Variants in ARHGAP22 observed in about 807,000 individuals in gnomAD.
The protein encoded by ARHGAP22 is Rho GTPase activating protein 22.
In ARHGAP22, 48 loss-of-function variants were observed where a neutral mutation model predicts 59.1. The ratio of observed to expected loss-of-function variants is 0.81; its 90% confidence interval spans 0.64 to 1.03. The LOEUF is 1.03. ARHGAP22 is among the 50% of genes least tolerant of loss of function. The pLI is 0.00. For missense variants in ARHGAP22, 1,015 were observed against 958.7 expected (o/e 1.06, Z -0.78); for synonymous variants, 445 against 416.4 (o/e 1.07, Z -0.84).
At chr10:48,450,133 CCCCT>C in intron 9 of ARHGAP22, 124 bp downstream of exon 9, 6 of 1,333,964 alleles carry the variant, frequency 4.5e-6, no homozygotes, top group Non-Finnish European at 6.1e-6. Context: ...AGCTAGGATT[CCCCT>C]CTCTGAGGCT....
At chr10:48,560,346 A>T (rs1222829714) in intron 2 of ARHGAP22, among the ~76,000 whole-genome samples, 1 of 152,132 alleles carries the variant, frequency 6.6e-6, no homozygotes, top group Non-Finnish European at 1.5e-5. Flanking sequence ...CTCCTCATTT[A>T]TTTAGAGCTT....
chr10:48,447,538 T>C (rs1165700971), intron 9 of ARHGAP22, among the ~76,000 whole-genome samples: 1 of 152,070 alleles, frequency 6.6e-6, no homozygotes, highest in Non-Finnish European at 1.5e-5. Context: ...GAAGCCTCCA[T>C]CCTCATCACT....
the ARHGAP22 span, chr10:48,435,952 CTGGTCTT>C: frequency 2.0e-5 from 3 of 152,240 alleles, no homozygotes; most frequent in African/African-American, 7.2e-5. Context: ...GTTCTAGAGT[CTGGTCTT>C]TCCCTTTCCT....
rs150432203 is a variant in ARHGAP22, at chr10:48,577,064, T to C, written c.234+5889A>G. ...CTCTTTTTCCTTCATTTCTCTCTTCTCTTTTTCTAAAACTCCTTCTATTCG... is the reference window on the plus strand; with the variant it reads ...CTCTTTTTCCTTCATTTCTCTCTTCCCTTTTTCTAAAACTCCTTCTATTCG... On this transcript the variant is annotated intron_variant, in intron 2 of 9. Transcript: ENST00000249601. Among the ~76,000 whole-genome samples the C allele has an allele frequency of 1.8e-3, 271 of 152,324 alleles. 2 individuals carry two copies. The highest frequency in any genetic ancestry group is 5.7e-3 in the African/African-American group (237 of 41,564).
At chr10:48,543,850 G>C (rs901209752) in intron 3 of ARHGAP22, among the ~76,000 whole-genome samples, 2 of 152,196 alleles carry the variant, frequency 1.3e-5, no homozygotes, top group African/African-American at 4.8e-5. Context: ...GGCTGGGCGT[G>C]GTGGCTCATG....
rs191575650 is a variant in ARHGAP22 at position 48,542,849 on chromosome 10, C to T, written c.322+12614G>A. Among the ~76,000 whole-genome samples the T allele has an allele frequency of 2.0e-3, 300 of 152,272 alleles. 2 individuals are homozygous for T. Among genetic ancestry groups the T allele is most frequent in the African/African-American group, 7.0e-3 (291 of 41,552 alleles). On this transcript the variant is annotated intron_variant, in intron 3 of 9. Coordinates refer to ENST00000249601, the MANE Select transcript of ARHGAP22 (RefSeq NM_021226.4). ...CACTGCAGGTGGGGTAGCAGGCTGT[C>T]GGAAGAGGAGCTGCCTGGCTGGACT...
chr10:48,553,118 G>A (rs1217807935), intron 3 of ARHGAP22, among the ~76,000 whole-genome samples: 2 of 152,248 alleles, frequency 1.3e-5, no homozygotes, highest in African/African-American at 4.8e-5. Flanking sequence ...CCCAGTGGGA[G>A]GGGAGCAGAG....
rs763603284 is a variant in ARHGAP22 at position 48,446,365 on chromosome 10, TA to T, written c.*25del. 6.2e-7 allele frequency: 1 copy of T among 1,612,002 alleles called. No individual in the cohort carries two copies. The highest frequency in any genetic ancestry group is 8.5e-7 in the Non-Finnish European group (1 of 1,178,276). ...CAAGGCTGGAGACCAGCAGACGTGGTACAGAAGTGAGCTCTGCCATTCCTTT... is the reference window on the plus strand; with the variant it reads ...CAAGGCTGGAGACCAGCAGACGTGGTCAGAAGTGAGCTCTGCCATTCCTTT... On this transcript the variant is annotated 3_prime_UTR_variant, in exon 10 of 10. Transcript: ENST00000249601.
At chr10:48,430,877 G>A in the ARHGAP22 span, 1 of 369,914 alleles carries the variant, frequency 2.7e-6, no homozygotes, top group African/African-American at 2.1e-5. Flanking sequence ...AATGGTATGT[G>A]GTATGATGTG....
intron 3 of ARHGAP22, among the ~76,000 whole-genome samples, chr10:48,481,735 G>A (rs1000073719): frequency 6.6e-6 from 1 of 152,080 alleles, no homozygotes; most frequent in Admixed American, 6.6e-5. Flanking sequence ...TTACTTTCCC[G>A]CCAGCTGTGT....
chr10:48,514,593 A>G (rs2053110558), intron 3 of ARHGAP22, among the ~76,000 whole-genome samples: 1 of 152,214 alleles, frequency 6.6e-6, no homozygotes, highest in Non-Finnish European at 1.5e-5. Context: ...GAAATCCTAA[A>G]GGGACTCCTT....
chr10:48,625,693 TACACACACAC>T (rs56897057), intron 1 of ARHGAP22, among the ~76,000 whole-genome samples: 2,490 of 138,946 alleles, frequency 0.018, 41 homozygotes, highest in Admixed American at 0.046. Context: ...CTGCAACGTG[TACACACACAC>T]ACACACACAC....
chr10:48,598,290 C>T (rs962174265), intron 1 of ARHGAP22, among the ~76,000 whole-genome samples: 11 of 152,180 alleles, frequency 7.2e-5, no homozygotes, highest in Non-Finnish European at 1.6e-4. Context: ...TACAAACAGC[C>T]ACCTTCATCT....
chr10:48,634,814 T>G (rs2136115807), intron 1 of ARHGAP22, among the ~76,000 whole-genome samples: 1 of 152,172 alleles, frequency 6.6e-6, no homozygotes, highest in African/African-American at 2.4e-5. Context: ...AAAGTTAAAA[T>G]GAGTGATTAA....
intron 3 of ARHGAP22, among the ~76,000 whole-genome samples, chr10:48,489,891 G>A (rs2050209748): frequency 6.6e-6 from 1 of 151,932 alleles, no homozygotes; most frequent in East Asian, 1.9e-4. Flanking sequence ...CTGCCATCAC[G>A]CTCGGCTAAT....
intron 2 of ARHGAP22, among the ~76,000 whole-genome samples, chr10:48,567,822 A>T (rs2058145934): frequency 6.6e-6 from 1 of 151,772 alleles, no homozygotes; most frequent in Non-Finnish European, 1.5e-5. Flanking sequence ...ACATTACTAC[A>T]GTGAGAGGTA....
intron 4 of ARHGAP22, 69 bp from the exon 5 acceptor site, chr10:48,459,960 A>T: frequency 1.4e-6 from 2 of 1,476,298 alleles, no homozygotes; most frequent in Non-Finnish European, 1.8e-6. Context: ...AGGACAATGG[A>T]GGGCAGGCGC....
rs72785158 is a variant in ARHGAP22, at chr10:48,562,628, G to T, written c.235-7078C>A. The stretch of plus-strand genomic sequence containing the variant: ...TCAGCCTGGGGTCAGGGGTCAGGAG[G>T]GGCAAAGGGAGTGGGAGGAGGGATT... On this transcript the variant is annotated intron_variant, in intron 2 of 9. Coordinates refer to ENST00000249601, the MANE Select transcript of ARHGAP22 (RefSeq NM_021226.4). 6.2e-3 allele frequency among the ~76,000 whole-genome samples: 944 copies of T among 152,274 alleles called. 5 individuals carry two copies. Among genetic ancestry groups the T allele is most frequent in the Admixed American group, 0.011 (167 of 15,314 alleles).
chr10:48,567,130 C>T (rs935295), intron 2 of ARHGAP22, among the ~76,000 whole-genome samples: 59,032 of 151,766 alleles, frequency 0.39, 12,835 homozygotes, highest in East Asian at 0.89. Context: ...CACTAGACTC[C>T]GTGCCAAACA....
Sources: gnomAD v4.1 joint callset for allele counts (sites outside exome capture counted in the v4.1 genomes callset) on GRCh38, gnomAD v4.1.1 for gene constraint, MANE v1.5 for transcripts, NCBI Gene and HGNC (gene_info 2026-07-23, HGNC 2026-07-21) for gene names.